SARAF: variants seen among roughly 807,000 people sequenced by gnomAD.
SARAF encodes the protein store-operated calcium entry-associated regulatory factor.
A neutral mutation model predicts 39.7 loss-of-function variants in SARAF; 23 were observed. That is an observed-to-expected ratio of 0.58 (90% CI 0.42 to 0.82). The LOEUF is 0.82. SARAF is among the 40% of genes least tolerant of loss of function. The pLI is 0.00. For synonymous variants in SARAF, 175 were observed against 168.5 expected (o/e 1.04, Z -0.30); for missense variants, 384 against 418.5 (o/e 0.92, Z 0.72).
intron 1 of SARAF, among the ~76,000 whole-genome samples, chr8:30,078,673 T>C (rs926551615): frequency 1.3e-5 from 2 of 152,130 alleles, no homozygotes; most frequent in Non-Finnish European, 2.9e-5. Context: ...ATGAATCTAA[T>C]CAATCTAATA....
chr8:30,083,041 A>G lies in SARAF; in HGVS notation c.-92T>C. ...CGCGACGCTGCGCAGCTACACCGCT[A>G]CCCCTGGCGGCGGCGAAGGAACGGC... On this transcript the variant is annotated 5_prime_UTR_variant, in exon 1 of 6. Transcript: ENST00000256255. The G allele has an allele frequency of 1.0e-6, 1 of 957,178 alleles. No homozygotes were observed. Among genetic ancestry groups the G allele is most frequent in the African/African-American group, 1.8e-5 (1 of 56,568 alleles). 59.3% of individuals were successfully genotyped at this position (957,178 alleles called of 1,614,324 possible).
chr8:30,066,399 A>G (rs1801694760), intron 4 of SARAF, among the ~76,000 whole-genome samples: 1 of 152,204 alleles, frequency 6.6e-6, no homozygotes, highest in South Asian at 2.1e-4. Context: ...TTAAACTACC[A>G]TTAATACTTC....
intron 1 of SARAF, among the ~76,000 whole-genome samples, chr8:30,082,065 C>G (rs1382511079): frequency 6.6e-6 from 1 of 152,098 alleles, no homozygotes; most frequent in African/African-American, 2.4e-5. Context: ...CATAAAGACG[C>G]GGTGGCTCAC....
chr8:30,080,714 C>T (rs1484813789), intron 1 of SARAF, among the ~76,000 whole-genome samples: 1 of 151,816 alleles, frequency 6.6e-6, no homozygotes, highest in Non-Finnish European at 1.5e-5. Flanking sequence ...TTTTTTTTTC[C>T]AGACAAATTA....
intron 3 of SARAF, 38 bp from the exon 4 acceptor site, chr8:30,066,956 A>G: frequency 6.5e-7 from 1 of 1,541,882 alleles, no homozygotes; most frequent in Non-Finnish European, 8.9e-7. Context: ...TCCTCACTTA[A>G]ACATGACAGT....
intron 1 of SARAF, among the ~76,000 whole-genome samples, chr8:30,080,976 C>A (rs1802085323): frequency 6.6e-6 from 1 of 152,136 alleles, no homozygotes; most frequent in Non-Finnish European, 1.5e-5. Context: ...CCTGTCTCTA[C>A]TAAAAATACA....
chr8:30,070,300 A>G (rs1490183234), intron 2 of SARAF, among the ~76,000 whole-genome samples: 1 of 151,976 alleles, frequency 6.6e-6, no homozygotes, highest in Non-Finnish European at 1.5e-5. Context: ...CCCAGCTACT[A>G]AGGAGGCTGA....
rs1464308252 is a variant in SARAF, at chr8:30,073,869, G to T, written c.282+8C>A. On this transcript the variant is annotated splice_region_variant and intron_variant, in intron 2 of 5. Transcript: ENST00000256255. The stretch of plus-strand genomic sequence containing the variant: ...CATTTAGACTGCCATTACTGTAGTG[G>T]ATATTACCTGTACATCATACCCATC... 37 of 1,613,204 alleles carry T rather than the reference G, an allele frequency of 2.3e-5. No individual in the cohort carries two copies. Among genetic ancestry groups the T allele is most frequent in the Non-Finnish European group, 2.9e-5 (34 of 1,179,378 alleles).
intron 3 of SARAF, 146 bp downstream of exon 3, chr8:30,069,496 G>C: frequency 1.2e-6 from 1 of 839,008 alleles, no homozygotes; most frequent in East Asian, 2.5e-5. Flanking sequence ...AAACAGAAGA[G>C]GTAAAAGAAG....
Position 30,063,527 on chromosome 8 carries a change from C to T in SARAF, c.*361G>A, listed in dbSNP as rs1801603778. On this transcript the variant is annotated 3_prime_UTR_variant, in exon 6 of 6. Transcript: ENST00000256255. Reference sequence around the variant, plus strand: ...GGTAATAACTCATCAGCTACAACCACCTAAAACTGAAATTTTCTGTACTTA... The same window carrying T: ...GGTAATAACTCATCAGCTACAACCATCTAAAACTGAAATTTTCTGTACTTA... 7.7e-6 allele frequency: 2 copies of T among 258,324 alleles called. No homozygotes were observed. The highest frequency in any genetic ancestry group is 1.5e-5 in the Non-Finnish European group (2 of 135,672). 16.0% of individuals were successfully genotyped at this position (258,324 alleles called of 1,614,324 possible).
chr8:30,081,854 C>T (rs1046287789), intron 1 of SARAF, among the ~76,000 whole-genome samples: 2 of 151,860 alleles, frequency 1.3e-5, no homozygotes, highest in African/African-American at 4.8e-5. Flanking sequence ...TATTACTGAT[C>T]CCATGAAAAT....
chr8:30,080,343 T>C (rs144879269), intron 1 of SARAF, among the ~76,000 whole-genome samples: 1 of 152,320 alleles, frequency 6.6e-6, no homozygotes, highest in African/African-American at 2.4e-5. Flanking sequence ...CCTTTAAAGA[T>C]ATAAGTAATT....
At position 30,069,746 on chromosome 8, in the gene SARAF, T is replaced by A. The variant is rs774540692; in HGVS notation, c.596A>T (p.Tyr199Phe). The change falls in exon 3 of 6, where the codon TAT (tyrosine) becomes TTT (phenylalanine). Residue 199 changes from tyrosine to phenylalanine, a missense_variant. Transcript: ENST00000256255. ...ATACTCAGAGTACGGTGGAGGAGAA[T>A]ACTGCCCGTCACTCAGGAACAGCTT... ...VYKLFLSDGQ[Y>F]SPPPYSEYPP... 1 of 1,614,074 alleles carries A rather than the reference T, an allele frequency of 6.2e-7. No individual in the cohort carries two copies. The highest frequency in any genetic ancestry group is 1.3e-5 in the African/African-American group (1 of 74,998).
At chr8:30,079,565 T>A (rs1475091854) in intron 1 of SARAF, among the ~76,000 whole-genome samples, 1 of 152,176 alleles carries the variant, frequency 6.6e-6, no homozygotes, top group East Asian at 1.9e-4. Context: ...AATAATAAAT[T>A]GAATTTATTG....
intron 5 of SARAF, 48 bp from the exon 6 acceptor site, chr8:30,063,961 G>C: frequency 2.1e-6 from 3 of 1,430,464 alleles, no homozygotes; most frequent in South Asian, 1.2e-5. Context: ...AAATGCATTA[G>C]AATTGCTTAT....
At chr8:30,064,561 A>ATATATTTTTTTTTTTTTTTTTT (rs1423689069) in intron 5 of SARAF, among the ~76,000 whole-genome samples, 1 of 46,226 alleles carries the variant, frequency 2.2e-5, no homozygotes, top group Non-Finnish European at 3.4e-5. Context: ...ATATATATAT[A>ATATATTTTTTTTTTTTTTTTTT]TTTTTTTTTT....
At chr8:30,073,503 C>T (rs1179424628) in intron 2 of SARAF, among the ~76,000 whole-genome samples, 3 of 152,144 alleles carry the variant, frequency 2.0e-5, no homozygotes, top group African/African-American at 4.8e-5. Flanking sequence ...CTACTATTTA[C>T]GATCTATAAT....
intron 1 of SARAF, chr8:30,078,275 G>A (rs1585445675): frequency 2.2e-6 from 1 of 452,066 alleles, no homozygotes; most frequent in Admixed American, 2.4e-5. Context: ...ATGAACAAGG[G>A]AATCTGATTA....
At position 30,066,897 on chromosome 8, in the gene SARAF, C is replaced by A. The variant is rs1801704502; in HGVS notation, c.722G>T (p.Gly241Val). 6.2e-7 allele frequency: 1 copy of A among 1,614,118 alleles called. No homozygotes were observed. Among genetic ancestry groups the A allele is most frequent in the African/African-American group, 1.3e-5 (1 of 75,040 alleles). Reference sequence around the variant, plus strand: ...AGCACTGCCAAAACCAGAAGTTGCACCATGGCCAGTATTCTGTGGTCCTTA... The same window carrying A: ...AGCACTGCCAAAACCAGAAGTTGCAACATGGCCAGTATTCTGTGGTCCTTA... ...EFTGPQNTGH[G>V]ATSGFGSAFT... Residue 241 changes from glycine to valine, a missense_variant, in exon 4 of 6, where the codon GGT (glycine) becomes GTT (valine). Transcript: ENST00000256255.
Sources: allele counts gnomAD v4.1 joint callset (sites outside exome capture counted in the v4.1 genomes callset), GRCh38; gene constraint gnomAD v4.1.1; transcripts MANE v1.5; gene names NCBI Gene and HGNC (gene_info 2026-07-23, HGNC 2026-07-21).